Variants in NME7 observed in about 807,000 individuals in gnomAD.
The protein encoded by NME7 is nucleoside diphosphate kinase 7.
In NME7, 41 loss-of-function variants were observed where a neutral mutation model predicts 49.1. The ratio of observed to expected loss-of-function variants is 0.83; its 90% CI spans 0.65 to 1.08. The LOEUF is 1.08. Among genes scored for constraint, NME7 ranks in the 50% least tolerant of loss-of-function variants. The probability of loss-of-function intolerance (pLI) is 0.00; values close to 1 mark genes in which losing one functional copy is unlikely to be tolerated. For missense variants in NME7, 423 were observed against 463.4 expected, an observed-to-expected ratio of 0.91 and a Z score of 0.80; for synonymous variants, 139 against 150.6, an observed-to-expected ratio of 0.92 and a Z score of 0.56.
intron 10 of NME7, among the ~76,000 whole-genome samples, chr1:169,222,157 G>C (rs1021712462): frequency 2.0e-5 from 3 of 151,852 alleles, no homozygotes; most frequent in African/African-American, 7.3e-5. Context: ...AACTCAGGTT[G>C]CTTCCTTTCT....
intron 6 of NME7, among the ~76,000 whole-genome samples, chr1:169,296,954 G>A (rs1323239104): frequency 1.3e-5 from 2 of 151,350 alleles, no homozygotes; most frequent in African/African-American, 2.4e-5. Flanking sequence ...CCCTGTTGCT[G>A]TTTTTGCCCT....
intron 1 of NME7, among the ~76,000 whole-genome samples, chr1:169,361,042 T>C (rs1388078552): frequency 6.6e-6 from 1 of 152,178 alleles, no homozygotes; most frequent in African/African-American, 2.4e-5. Context: ...TTTTTCTCCA[T>C]AAATTCCATG....
Position 169,323,118 on chromosome 1 carries a change from T to C in NME7, c.277A>G (p.Lys93Glu). 6.5e-7 allele frequency: 1 copy of C among 1,549,918 alleles called. No individual in the cohort carries two copies. Among genetic ancestry groups the C allele is most frequent in the Non-Finnish European group, 8.7e-7 (1 of 1,153,760 alleles). Residue 93 changes from lysine (K) to glutamate (E), a missense_variant and splice_region_variant, in exon 3 of 12, where the codon AAA becomes GAA. Lys to Glu is a moderately conservative substitution (Grantham distance 56). Coordinates refer to ENST00000367811, the MANE Select transcript of NME7 (RefSeq NM_013330.5). ...AAGATTATATAATTGTTTTCTTACT[T>C]TTCTTTCCTACTGCCCAGCTGGCGA... ...TARQLGSRKE[K>E]TLALIKPDAI...
chr1:169,247,484 T>A (rs74125220), intron 7 of NME7, among the ~76,000 whole-genome samples: 1,794 of 152,280 alleles, frequency 0.012, 46 homozygotes, highest in African/African-American at 0.041. Context: ...TCTCAGTTTT[T>A]AAAATTTTTT....
chr1:169,291,503 G>C (rs111360116), intron 6 of NME7, among the ~76,000 whole-genome samples: 15 of 152,104 alleles, frequency 9.9e-5, no homozygotes, highest in Admixed American at 4.6e-4. Context: ...GGCATGTTGC[G>C]GGGTGGGGGG....
rs1557966293 is a variant in NME7, at chr1:169,158,101, ATCAGCCATATCAGAAT to A, written c.1098+11330_1098+11345del. The stretch of plus-strand genomic sequence containing the variant: ...GTGGTTTCTAAATGCTAGTTTAACT[ATCAGCCATATCAGAAT>A]ATCAGAATCACCTGCAACATAAAAT... On this transcript the variant is annotated intron_variant, in intron 11 of 11. Coordinates refer to ENST00000367811, the MANE Select transcript of NME7 (RefSeq NM_013330.5). 3.3e-5 allele frequency among the ~76,000 whole-genome samples: 5 copies of A among 152,308 alleles called. 1 individual carries two copies. In the South Asian group the frequency reaches 8.3e-4, roughly 25 times the overall value.
chr1:169,260,342 C>T (rs767291417), intron 7 of NME7, among the ~76,000 whole-genome samples: 1 of 133,310 alleles, frequency 7.5e-6, no homozygotes, highest in Non-Finnish European at 1.8e-5. Flanking sequence ...CTGAAAGATA[C>T]TACCTTTTCT....
intron 1 of NME7, among the ~76,000 whole-genome samples, chr1:169,335,745 ACTTT>A: frequency 2.7e-5 from 4 of 147,196 alleles, no homozygotes; most frequent in Non-Finnish European, 6.0e-5. Context: ...TTTAATATAT[ACTTT>A]TATATATTAA....
intron 1 of NME7, among the ~76,000 whole-genome samples, chr1:169,335,851 G>C (rs2101953622): frequency 6.6e-6 from 1 of 150,954 alleles, no homozygotes; most frequent in African/African-American, 2.4e-5. Flanking sequence ...GCTCCCTCAA[G>C]CCAGCTGCTT....
chr1:169,161,701 C>T (rs991415701), intron 11 of NME7, among the ~76,000 whole-genome samples: 14 of 152,168 alleles, frequency 9.2e-5, no homozygotes, highest in Non-Finnish European at 1.9e-4. Context: ...ATGAGAGGAA[C>T]TTAGTCTATA....
intron 1 of NME7, among the ~76,000 whole-genome samples, chr1:169,349,001 C>T (rs965351650): frequency 6.6e-6 from 1 of 151,536 alleles, no homozygotes; most frequent in Non-Finnish European, 1.5e-5. Context: ...CGCTTTCTAG[C>T]GTATAATCTT....
intron 1 of NME7, among the ~76,000 whole-genome samples, chr1:169,325,268 CCAGGTGACT>C (rs1652019087): frequency 6.6e-6 from 1 of 152,038 alleles, no homozygotes; most frequent in South Asian, 2.1e-4. Flanking sequence ...AGTGCTAGAG[CCAGGTGACT>C]CCCAAGGACA....
intron 7 of NME7, among the ~76,000 whole-genome samples, chr1:169,278,620 C>T (rs1649855714): frequency 6.6e-6 from 1 of 152,142 alleles, no homozygotes; most frequent in Non-Finnish European, 1.5e-5. Context: ...ACCTTCTTTG[C>T]CTTTGATTTG....
intron 11 of NME7, among the ~76,000 whole-genome samples, chr1:169,168,625 T>C (rs568842764): frequency 9.2e-5 from 14 of 152,238 alleles, no homozygotes; most frequent in Admixed American, 4.6e-4. Context: ...GGAAAACAGT[T>C]GACCCTTAAA....
At chr1:169,160,913 C>G (rs1473278324) in intron 11 of NME7, among the ~76,000 whole-genome samples, 1 of 152,144 alleles carries the variant, frequency 6.6e-6, no homozygotes, top group Non-Finnish European at 1.5e-5. Flanking sequence ...TTCTGGCTAT[C>G]CCTTCTGCCA....
chr1:169,335,025 C>T (rs1261045886), intron 1 of NME7, among the ~76,000 whole-genome samples: 1 of 152,118 alleles, frequency 6.6e-6, no homozygotes, highest in Non-Finnish European at 1.5e-5. Context: ...TACCATCTCA[C>T]ACCAGTTAGA....
rs1414523387 is a variant in NME7, at chr1:169,257,473, C to T, written c.755-19786G>A. On this transcript the variant is annotated intron_variant, in intron 7 of 11. Coordinates refer to ENST00000367811, the MANE Select transcript of NME7 (RefSeq NM_013330.5). ...ACCTGCGCCCACTGTCTGGCACTCC[C>T]TAGTGAGATGAACCCAGTACCTCAG... is the stretch of plus-strand genomic sequence containing the variant. Among the ~76,000 whole-genome samples, 12 of 132,688 alleles carry T rather than the reference C, an allele frequency of 9.0e-5. 3 individuals are homozygous for T. Among genetic ancestry groups the T allele is most frequent in the Non-Finnish European group, 1.4e-4 (8 of 56,712 alleles). The allele number at this position is 132,688 out of a possible 152,430, so 87.0% of individuals were successfully genotyped here.
At chr1:169,204,470 C>T (rs954050873) in intron 10 of NME7, among the ~76,000 whole-genome samples, 6 of 152,004 alleles carry the variant, frequency 3.9e-5, no homozygotes, top group African/African-American at 1.2e-4. Flanking sequence ...ATATCCAATG[C>T]TTCAAACTAA....
chr1:169,338,362 AC>A (rs1227068596), intron 1 of NME7, among the ~76,000 whole-genome samples: 2 of 152,200 alleles, frequency 1.3e-5, no homozygotes, highest in East Asian at 3.8e-4. Context: ...GAACACAAAC[AC>A]CTGTATTTCC....
Sources: gnomAD v4.1 joint callset for allele counts (sites outside exome capture counted in the v4.1 genomes callset) on GRCh38, gnomAD v4.1.1 for gene constraint, MANE v1.5 for transcripts, NCBI Gene and HGNC (gene_info 2026-07-23, HGNC 2026-07-21) for gene names.